TECPR2: variants seen among roughly 807,000 people sequenced by gnomAD.
TECPR2 encodes the protein tectonin beta-propeller repeat-containing protein 2.
A neutral mutation model predicts 138.1 loss-of-function variants in TECPR2; 65 were observed. The ratio of observed to expected loss-of-function variants is 0.47; its 90% CI spans 0.39 to 0.58. TECPR2 has a LOEUF of 0.58. Ranked by LOEUF, TECPR2 falls within the 20% of genes least tolerant of loss-of-function variation. The pLI is 0.00. For synonymous variants in TECPR2, 746 were observed against 749.8 expected (o/e 0.99, Z 0.08); for missense variants, 1,553 against 1,824.5 (o/e 0.85, Z 2.71).
intron 10 of TECPR2, 27 bp from the exon 11 acceptor site, chr14:102,440,409 C>T: frequency 6.2e-7 from 1 of 1,610,928 alleles, no homozygotes; most frequent in Non-Finnish European, 8.5e-7. Flanking sequence ...ATTTATTGGA[C>T]AGTGAATAGA....
At chr14:102,469,882 T>C (rs1890621926) in intron 17 of TECPR2, among the ~76,000 whole-genome samples, 1 of 152,226 alleles carries the variant, frequency 6.6e-6, no homozygotes, top group Non-Finnish European at 1.5e-5. Flanking sequence ...ATTAATATGA[T>C]ATATTATACT....
At chr14:102,364,856 A>G (rs544321898) in intron 1 of TECPR2, among the ~76,000 whole-genome samples, 345 of 152,282 alleles carry the variant, frequency 2.3e-3, no homozygotes, top group African/African-American at 7.7e-3. Context: ...GAAGATGAGG[A>G]ATAGATCAGG....
At chr14:102,444,158 A>G (rs1292823448) in intron 12 of TECPR2, among the ~76,000 whole-genome samples, 1 of 144,134 alleles carries the variant, frequency 6.9e-6, no homozygotes, top group Non-Finnish European at 1.5e-5. Flanking sequence ...ATTTTTCTTT[A>G]TTTTCATGCT....
intron 16 of TECPR2, among the ~76,000 whole-genome samples, chr14:102,456,995 G>A (rs1890291103): frequency 6.6e-6 from 1 of 152,144 alleles, no homozygotes; most frequent in Admixed American, 6.6e-5. Flanking sequence ...GGGGCAGTGA[G>A]CATCAGGCCA....
intron 1 of TECPR2, among the ~76,000 whole-genome samples, chr14:102,365,335 A>G (rs1266893713): frequency 6.6e-6 from 1 of 152,176 alleles, no homozygotes; most frequent in East Asian, 1.9e-4. Context: ...AAGACCAACC[A>G]AGTATCTGAG....
At chr14:102,394,906 A>G (rs767326420) in intron 2 of TECPR2, among the ~76,000 whole-genome samples, 12 of 152,062 alleles carry the variant, frequency 7.9e-5, no homozygotes, top group Non-Finnish European at 1.2e-4. Flanking sequence ...AGCCTGAGCT[A>G]TTGTGAAACA....
intron 2 of TECPR2, among the ~76,000 whole-genome samples, chr14:102,389,441 T>G (rs919503659): frequency 6.6e-6 from 1 of 152,222 alleles, no homozygotes; most frequent in African/African-American, 2.4e-5. Context: ...TGCTATTAGG[T>G]AACAAAACTT....
In TECPR2 at chr14:102,423,511, A is replaced by G. The variant is rs373572900; in HGVS notation, c.639-1468A>G. On this transcript the variant is annotated intron_variant, in intron 5 of 19. Coordinates refer to ENST00000359520, the MANE Select transcript of TECPR2 (RefSeq NM_014844.5). ...TATTTTTAGCTCATCAGCTATTGTT[A>G]GTGTATTTTATGTGTGGCCCAAGAC... Among the ~76,000 whole-genome samples the G allele has an allele frequency of 6.7e-4, 101 of 151,508 alleles. No individual in the cohort carries two copies. In the South Asian group the frequency reaches 0.02, roughly 29 times the overall value.
At chr14:102,497,243 G>T (rs143361985) in intron 18 of TECPR2, 123 bp downstream of exon 18, 2 of 1,414,792 alleles carry the variant, frequency 1.4e-6, no homozygotes, top group Non-Finnish European at 1.9e-6. Flanking sequence ...CTGTGCTGTC[G>T]CCGCTGCTTC....
chr14:102,372,148 GCCATGTTTC>G (rs1339098707), intron 1 of TECPR2, among the ~76,000 whole-genome samples: 1 of 152,058 alleles, frequency 6.6e-6, no homozygotes, highest in African/African-American at 2.4e-5. Context: ...TCAGGATCTT[GCCATGTTTC>G]CCAGGCTGGT....
At position 102,423,398 on chromosome 14, in the gene TECPR2, T is replaced by C. The variant is rs552146205; in HGVS notation, c.639-1581T>C. Among the ~76,000 whole-genome samples the C allele has an allele frequency of 9.2e-5, 14 of 151,838 alleles. No homozygotes were observed. In the East Asian group the frequency reaches 2.5e-3, roughly 27 times the overall value. ...ATTGCATTGAGCCCAGATTGCGCCA[T>C]TGCACTGCATCCTGGACAACAAGAG... On this transcript the variant is annotated intron_variant, in intron 5 of 19. Transcript: ENST00000359520.
chr14:102,467,519 T>C (rs1283188646), intron 17 of TECPR2, among the ~76,000 whole-genome samples: 3 of 151,976 alleles, frequency 2.0e-5, no homozygotes, highest in African/African-American at 7.3e-5. Flanking sequence ...GAGACGGGGT[T>C]TCACCATATT....
intron 4 of TECPR2, among the ~76,000 whole-genome samples, chr14:102,410,700 C>T (rs1231823314): frequency 6.6e-6 from 1 of 152,184 alleles, no homozygotes; most frequent in Non-Finnish European, 1.5e-5. Flanking sequence ...CTGTGCCCCC[C>T]CTCAAAAAAA....
Position 102,420,140 on chromosome 14 carries a change from G to A in TECPR2, c.639-4839G>A, listed in dbSNP as rs1889139587. ...CAAAATCATAAAACACCATTTTATA[G>A]CTAGAATTTGTTAGCCAGAACACAC... is the stretch of plus-strand genomic sequence containing the variant. On this transcript the variant is annotated intron_variant, in intron 5 of 19. Coordinates refer to ENST00000359520, the MANE Select transcript of TECPR2 (RefSeq NM_014844.5). The surrounding 1 kb of genome is among the most constrained non-coding windows in gnomAD (Gnocchi z 4.1). Among the ~76,000 whole-genome samples, 1 of 152,178 alleles carries A rather than the reference G, an allele frequency of 6.6e-6. No individual in the cohort carries two copies. The highest frequency in any genetic ancestry group is 1.5e-5 in the Non-Finnish European group (1 of 68,036).
intron 16 of TECPR2, among the ~76,000 whole-genome samples, chr14:102,452,879 G>A (rs556724957): frequency 1.4e-3 from 211 of 152,322 alleles, no homozygotes; most frequent in African/African-American, 5.0e-3. Context: ...GCGTCCTCAG[G>A]TCAAGGGGCC....
At position 102,478,030 on chromosome 14, in the gene TECPR2, G is replaced by A. The variant is rs1231487528; in HGVS notation, c.3789+12741G>A. Among the ~76,000 whole-genome samples, 12 of 150,212 alleles carry A rather than the reference G, an allele frequency of 8.0e-5. No homozygotes were observed. In the East Asian group the frequency reaches 2.2e-3, roughly 28 times the overall value. On this transcript the variant is annotated intron_variant, in intron 17 of 19. Transcript: ENST00000359520. ...CTCCCAAAGTGCTGGGATTACAGGC[G>A]TGAGCCACCGCACCCGGCCTGTTTT...
chr14:102,449,303 G>A (rs1046967419), intron 13 of TECPR2, among the ~76,000 whole-genome samples: 10 of 152,178 alleles, frequency 6.6e-5, no homozygotes. Context: ...TCTTAGAAGG[G>A]GTGTGAGGGG....
intron 4 of TECPR2, among the ~76,000 whole-genome samples, chr14:102,408,882 T>C (rs1339566080): frequency 5.9e-5 from 9 of 152,228 alleles, no homozygotes; most frequent in South Asian, 2.1e-4. Flanking sequence ...CTATTATCAT[T>C]CCTACTTCCT....
At chr14:102,477,991 C>T (rs1015446169) in intron 17 of TECPR2, among the ~76,000 whole-genome samples, 9 of 149,804 alleles carry the variant, frequency 6.0e-5, no homozygotes, top group East Asian at 2.0e-4. Flanking sequence ...CTCCTGGCCT[C>T]GTGATCTGCC....
Sources: gnomAD v4.1 joint callset for allele counts (sites outside exome capture counted in the v4.1 genomes callset) on GRCh38, gnomAD v4.1.1 for gene constraint, Gnocchi (gnomAD v3.1) non-coding constraint, MANE v1.5 for transcripts, NCBI Gene and HGNC (gene_info 2026-07-23, HGNC 2026-07-21) for gene names.